Variants in SUN1 observed in about 807,000 individuals in gnomAD.
SUN1 encodes the protein Sad1 and UNC84 domain containing 1.
In SUN1, 61 loss-of-function variants were observed where a neutral mutation model predicts 103.2. The observed-to-expected ratio is 0.59, with a 90% CI of 0.48 to 0.73. The LOEUF is 0.73. Among genes scored for constraint, SUN1 ranks in the 30% least tolerant of loss-of-function variants. The probability of loss-of-function intolerance (pLI) is 0.00; values close to 1 mark genes in which losing one functional copy is unlikely to be tolerated. For synonymous variants in SUN1, 490 were observed against 425.7 expected, an observed-to-expected ratio of 1.15 and a Z score of -1.86; for missense variants, 1,052 against 1,034.6, an observed-to-expected ratio of 1.02 and a Z score of -0.23.
At chr7:823,829 A>G (rs1033317474) in intron 1 of SUN1, among the ~76,000 whole-genome samples, 4 of 152,060 alleles carry the variant, frequency 2.6e-5, no homozygotes, top group Non-Finnish European at 5.9e-5. Context: ...GGGAGGGAGG[A>G]GCAGGCCTGG....
chr7:852,902 C>A lies in SUN1; in HGVS notation c.1003C>A (p.Pro335Thr), dbSNP rs1257200305. The A allele has an allele frequency of 6.2e-7, 1 of 1,614,056 alleles. No individual in the cohort carries two copies. Among genetic ancestry groups the A allele is most frequent in the South Asian group, 1.1e-5 (1 of 91,078 alleles). ...GCATAGAACACAGCGGGTGGATGACCCCCAGGACGTGTTTAAACCCACGAC... is the reference window on the plus strand; with the variant it reads ...GCATAGAACACAGCGGGTGGATGACACCCAGGACGTGTTTAAACCCACGAC... ...SMHRTQRVDD[P>T]QDVFKPTTSR... The change falls in exon 9 of 19, where the codon CCC becomes ACC. Residue 335 changes from proline (P) to threonine (T), a missense_variant. Pro to Thr is a conservative substitution (Grantham distance 38). Around this residue, in one of 2 missense-constraint regions of SUN1, gnomAD observed 846 missense variants for 774.5 expected, o/e 1.09. Transcript: ENST00000401592.
In SUN1 at chr7:869,157, G is replaced by T. The variant is rs576344705; in HGVS notation, c.1981-192G>T. The T allele has an allele frequency of 4.6e-5, 31 of 667,886 alleles. No homozygotes were observed. In the Admixed American group the frequency reaches 7.9e-4, roughly 17 times the overall value. 41.4% of individuals were successfully genotyped at this position (667,886 alleles called of 1,614,324 possible). Reference sequence around the variant, plus strand: ...CGTTTTAACTTTTATACAACATATGGGTTGGAGATAGTGGCCCTCTGAGGA... The same window carrying T: ...CGTTTTAACTTTTATACAACATATGTGTTGGAGATAGTGGCCCTCTGAGGA... On this transcript the variant is annotated intron_variant, in intron 16 of 18. Coordinates refer to ENST00000401592, the MANE Select transcript of SUN1 (RefSeq NM_001130965.3).
At chr7:845,695 G>A (rs1814897533) in intron 5 of SUN1, among the ~76,000 whole-genome samples, 1 of 152,118 alleles carries the variant, frequency 6.6e-6, no homozygotes, top group Admixed American at 6.5e-5. Flanking sequence ...TTTTATGTAT[G>A]TACTAATGGT....
upstream of SUN1, among the ~76,000 whole-genome samples, chr7:829,548 G>GTTTTT (rs59608102): frequency 3.5e-5 from 5 of 143,830 alleles, no homozygotes; most frequent in African/African-American, 5.2e-5. Flanking sequence ...AAAATAACTG[G>GTTTTT]TTTTTTTTTT....
rs546033885 is a variant in SUN1 at position 852,151 on chromosome 7, C to T, written c.851+108C>T. The T allele has an allele frequency of 2.0e-4, 205 of 1,016,274 alleles. 3 individuals are homozygous for T. The South Asian group carries it at 2.9e-3, about 15-fold the overall frequency. The allele number at this position is 1,016,274 out of a possible 1,614,324, so 63.0% of individuals were successfully genotyped here. ...TTTGTAAGGATTTAGCTTATATTTACATAGTGTTTGTATATTTTACAAAAG... is the reference window on the plus strand; with the variant it reads ...TTTGTAAGGATTTAGCTTATATTTATATAGTGTTTGTATATTTTACAAAAG... On this transcript the variant is annotated intron_variant, in intron 7 of 18. Transcript: ENST00000401592.
intron 5 of SUN1, among the ~76,000 whole-genome samples, chr7:845,682 GT>G (rs547175631): frequency 8.6e-5 from 13 of 152,026 alleles, no homozygotes; most frequent in African/African-American, 3.1e-4. Context: ...GTTTGTTTTT[GT>G]TTTTTATGTA....
At chr7:831,648 A>G (rs961423557), upstream of SUN1, among the ~76,000 whole-genome samples, 6 of 152,230 alleles carry the variant, frequency 3.9e-5, no homozygotes, top group African/African-American at 1.4e-4. Context: ...TATGTAAACA[A>G]TGGTCTTTAT....
upstream of SUN1, chr7:816,548 A>G (rs1191272182): frequency 2.6e-6 from 1 of 377,630 alleles, no homozygotes; most frequent in African/African-American, 2.3e-5. Flanking sequence ...CGCGCTCGGG[A>G]CTGGTGAAGG....
Position 852,027 on chromosome 7 carries a change from G to A in SUN1, c.835G>A (p.Val279Met). 6.2e-7 allele frequency: 1 copy of A among 1,614,172 alleles called. No individual in the cohort carries two copies. Among genetic ancestry groups the A allele is most frequent in the Non-Finnish European group, 8.5e-7 (1 of 1,179,990 alleles). ...QFVTLISWLN[V>M]FLLTRCLRNI... ...TGTTACTTTGATTTCTTGGCTGAAT[G>A]TGTTTCTTCTTACCAGGTAAGGAAA... The change falls in exon 7 of 19, where the codon GTG becomes ATG. Residue 279 changes from valine to methionine, a missense_variant. Val to Met is a conservative substitution (Grantham distance 21). Around this residue, in one of 2 missense-constraint regions of SUN1, gnomAD observed 846 missense variants for 774.5 expected, o/e 1.09. Transcript: ENST00000401592.
rs142290180 is a variant in SUN1, at chr7:833,385, A to G, written c.77+784A>G. 2.2e-3 allele frequency among the ~76,000 whole-genome samples: 329 copies of G among 149,734 alleles called. 2 individuals are homozygous for G. Among genetic ancestry groups the G allele is most frequent in the African/African-American group, 7.4e-3 (302 of 40,590 alleles). On this transcript the variant is annotated intron_variant, in intron 1 of 18. Transcript: ENST00000401592. ...GAGTGCAGTGGTGCAATCTCGGCTC[A>G]CTGCAACATCCGCCTCCCAGATTCA...
intron 1 of SUN1, among the ~76,000 whole-genome samples, chr7:834,310 G>T (rs1222489518): frequency 6.6e-6 from 1 of 152,230 alleles, no homozygotes; most frequent in African/African-American, 2.4e-5. Context: ...CTCTGAGGTT[G>T]CTGCAGGATA....
chr7:852,513 GT>G, intron 7 of SUN1, 95 bp from the exon 8 acceptor site: 1 of 1,434,038 alleles, frequency 7.0e-7, no homozygotes, highest in Non-Finnish European at 9.8e-7. Flanking sequence ...TACTGGGGGG[GT>G]GGATTTTGCA....
upstream of SUN1, among the ~76,000 whole-genome samples, chr7:830,365 T>G (rs1796799172): frequency 6.6e-6 from 1 of 152,206 alleles, no homozygotes; most frequent in Non-Finnish European, 1.5e-5. Context: ...TTTCCCTAGA[T>G]CCTGGACAGG....
chr7:865,855 T>A (rs1836070236), intron 15 of SUN1, 97 bp from the exon 16 acceptor site: 2 of 1,015,114 alleles, frequency 2.0e-6, no homozygotes, highest in Non-Finnish European at 3.1e-6. Flanking sequence ...CGAGCACTTT[T>A]CTTGGAAACA....
chr7:825,581 C>T (rs1373116944), intron 1 of SUN1, among the ~76,000 whole-genome samples: 1 of 152,140 alleles, frequency 6.6e-6, no homozygotes, highest in South Asian at 2.1e-4. Context: ...AGGTTGTAGT[C>T]ATTTATTTCT....
At chr7:842,245 A>G in intron 3 of SUN1, 115 bp downstream of exon 3, 1 of 1,158,910 alleles carries the variant, frequency 8.6e-7, no homozygotes, top group Non-Finnish European at 1.2e-6. Flanking sequence ...TATGCTAGGG[A>G]GAGGGAGGCT....
At chr7:856,471 A>C (rs1827419351) in intron 12 of SUN1, 70 bp downstream of exon 12, 2 of 1,580,190 alleles carry the variant, frequency 1.3e-6, no homozygotes, top group Admixed American at 3.3e-5. Context: ...GCGGCAGCAG[A>C]GTGATGAATG....
At chr7:821,132 G>T (rs1234021285) in intron 1 of SUN1, among the ~76,000 whole-genome samples, 1 of 147,594 alleles carries the variant, frequency 6.8e-6, no homozygotes, top group African/African-American at 2.5e-5. Context: ...GAAGAGAGTG[G>T]ATGCTAACAT....
intron 17 of SUN1, among the ~76,000 whole-genome samples, chr7:871,551 C>A (rs903635350): frequency 6.6e-6 from 1 of 152,176 alleles, no homozygotes; most frequent in African/African-American, 2.4e-5. Context: ...CCACACCTGG[C>A]TAACTTTTTG....
Sources: gnomAD v4.1 joint callset for allele counts (sites outside exome capture counted in the v4.1 genomes callset) on GRCh38, gnomAD v4.1.1 for gene constraint, gnomAD v4.1.1 regional missense constraint, MANE v1.5 for transcripts, NCBI Gene and HGNC (gene_info 2026-07-23, HGNC 2026-07-21) for gene names.